Variants in KIF16B observed in about 807,000 individuals in gnomAD.
KIF16B encodes the protein kinesin family member 16B.
In KIF16B, 98 loss-of-function variants were observed where a neutral mutation model predicts 156.3. The observed-to-expected ratio is 0.63, with a 90% CI of 0.53 to 0.74. The LOEUF (loss-of-function observed/expected upper bound fraction) is 0.74. Among genes scored for constraint, KIF16B ranks in the 30% least tolerant of loss-of-function variants. The probability of loss-of-function intolerance (pLI) is 0.00; values close to 1 mark genes in which losing one functional copy is unlikely to be tolerated. For missense variants in KIF16B, 1,421 were observed against 1,606.5 expected (o/e 0.88, Z 1.97); for synonymous variants, 564 against 583.7 (o/e 0.97, Z 0.49).
rs555720841 is a variant in KIF16B at position 16,411,225 on chromosome 20, G to A, written c.1613-4769C>T. The stretch of plus-strand genomic sequence containing the variant: ...TGATCAGCTTCCCATTAAGTGGCAA[G>A]TATTCACTGTGACACTGATGGGATC... On this transcript the variant is annotated intron_variant, in intron 15 of 25. Transcript: ENST00000354981. 2.6e-5 allele frequency among the ~76,000 whole-genome samples: 4 copies of A among 152,216 alleles called. No homozygotes were observed. The South Asian group carries it at 8.3e-4, about 32-fold the overall frequency.
intron 6 of KIF16B, among the ~76,000 whole-genome samples, chr20:16,510,751 A>C (rs900360848): frequency 3.3e-5 from 5 of 152,174 alleles, no homozygotes; most frequent in Admixed American, 1.3e-4. Context: ...ACCTGTGACC[A>C]GTTCTGTCCT....
chr20:16,453,331 A>G (rs1179004517), intron 12 of KIF16B, among the ~76,000 whole-genome samples: 2 of 152,134 alleles, frequency 1.3e-5, no homozygotes, highest in Admixed American at 1.3e-4. Context: ...TAATTGTACT[A>G]GAGAAAAAAT....
intron 12 of KIF16B, among the ~76,000 whole-genome samples, chr20:16,461,230 A>C (rs2067337937): frequency 6.6e-6 from 1 of 152,038 alleles, no homozygotes; most frequent in South Asian, 2.1e-4. Flanking sequence ...TAAAATGAGT[A>C]GTAAGAAAGA....
At chr20:16,513,285 C>CA (rs2069019615) in intron 4 of KIF16B, among the ~76,000 whole-genome samples, 2 of 152,042 alleles carry the variant, frequency 1.3e-5, no homozygotes, top group African/African-American at 4.8e-5. Context: ...ACACACCAGG[C>CA]AAAAAAACAC....
chr20:16,474,044 A>G (rs2067738516), intron 12 of KIF16B, among the ~76,000 whole-genome samples: 1 of 152,082 alleles, frequency 6.6e-6, no homozygotes, highest in Non-Finnish European at 1.5e-5. Flanking sequence ...AGTGTTCCCA[A>G]AAGCTCCACC....
chr20:16,495,838 A>ACAC (rs1449741605), intron 11 of KIF16B, among the ~76,000 whole-genome samples: 1 of 152,000 alleles, frequency 6.6e-6, no homozygotes, highest in Admixed American at 6.6e-5. Context: ...CTACAGGTGC[A>ACAC]CACCACCACG....
intron 12 of KIF16B, among the ~76,000 whole-genome samples, chr20:16,438,606 TC>T (rs1221679453): frequency 5.3e-5 from 8 of 152,092 alleles, no homozygotes; most frequent in African/African-American, 1.9e-4. Context: ...ATCATGTCCA[TC>T]TAACAAAGGA....
intron 23 of KIF16B, among the ~76,000 whole-genome samples, chr20:16,340,031 A>G (rs1301515809): frequency 6.6e-6 from 1 of 152,178 alleles, no homozygotes; most frequent in Non-Finnish European, 1.5e-5. Context: ...CACTCAGGGT[A>G]TGAGTTCGAG....
chr20:16,297,419 A>G (rs6111029), intron 25 of KIF16B, among the ~76,000 whole-genome samples: 37,661 of 152,206 alleles, frequency 0.25, 5,080 homozygotes, highest in Non-Finnish European at 0.31. Flanking sequence ...CAGGCCAGGC[A>G]TGGTGGCTCA....
At chr20:16,299,496 G>A (rs1040868394) in intron 25 of KIF16B, among the ~76,000 whole-genome samples, 3 of 152,140 alleles carry the variant, frequency 2.0e-5, no homozygotes, top group Non-Finnish European at 4.4e-5. Context: ...AACAGAGTTG[G>A]ATTATTTGAT....
At chr20:16,315,320 C>T (rs1215922744) in intron 24 of KIF16B, among the ~76,000 whole-genome samples, 1 of 152,124 alleles carries the variant, frequency 6.6e-6, no homozygotes, top group East Asian at 1.9e-4. Flanking sequence ...CCTATAATCA[C>T]AGGACCATGA....
intron 15 of KIF16B, among the ~76,000 whole-genome samples, chr20:16,410,358 G>A (rs546498941): frequency 6.7e-6 from 1 of 149,724 alleles, no homozygotes; most frequent in African/African-American, 2.5e-5. Flanking sequence ...TATATATAGA[G>A]AGAGAGACAT....
intron 1 of KIF16B, among the ~76,000 whole-genome samples, chr20:16,548,078 T>C (rs2070483072): frequency 6.6e-6 from 1 of 152,142 alleles, no homozygotes; most frequent in Non-Finnish European, 1.5e-5. Context: ...GCTTATCCCA[T>C]AATGAGATGT....
chr20:16,572,960 T>G (rs1338712619), intron 1 of KIF16B, among the ~76,000 whole-genome samples: 1 of 152,140 alleles, frequency 6.6e-6, no homozygotes, highest in African/African-American at 2.4e-5. Context: ...GATGCTTTTT[T>G]AAAGGGGGAA....
intron 1 of KIF16B, among the ~76,000 whole-genome samples, chr20:16,551,829 A>G (rs911659892): frequency 2.0e-4 from 30 of 152,130 alleles, no homozygotes; most frequent in Non-Finnish European, 1.0e-4. Flanking sequence ...TGTGCCCAAG[A>G]AAGCAGGCCC....
At chr20:16,478,884 A>G (rs934924851) in intron 12 of KIF16B, among the ~76,000 whole-genome samples, 11 of 152,184 alleles carry the variant, frequency 7.2e-5, no homozygotes, top group African/African-American at 2.7e-4. Context: ...GGGTCTTGAA[A>G]TGTATCCCCT....
At position 16,406,352 on chromosome 20, in the gene KIF16B, C is replaced by A. The variant is rs954458004; in HGVS notation, c.1695+22G>T. 14 of 1,608,390 alleles carry A rather than the reference C, an allele frequency of 8.7e-6. No homozygotes were observed. In the African/African-American group the frequency reaches 1.9e-4, roughly 22 times the overall value. Reference sequence around the variant, plus strand: ...CTCACATACGATCAGTGGTTCCCTCCTAGAGACGCCGTGTCCCTCACCTTC... The same window carrying A: ...CTCACATACGATCAGTGGTTCCCTCATAGAGACGCCGTGTCCCTCACCTTC... On this transcript the variant is annotated intron_variant, in intron 16 of 25. Coordinates refer to ENST00000354981, the MANE Select transcript of KIF16B (RefSeq NM_024704.5).
chr20:16,294,424 G>T (rs2063354238), intron 25 of KIF16B, among the ~76,000 whole-genome samples: 2 of 152,212 alleles, frequency 1.3e-5, no homozygotes, highest in Admixed American at 1.3e-4. Context: ...AGCCAACAAA[G>T]GGGTGTTGCT....
intron 17 of KIF16B, among the ~76,000 whole-genome samples, chr20:16,382,461 C>A (rs1281908657): frequency 6.6e-6 from 1 of 152,048 alleles, no homozygotes; most frequent in Non-Finnish European, 1.5e-5. Flanking sequence ...AGTTATACTG[C>A]ATGTAGGTTC....
Sources: allele counts gnomAD v4.1 joint callset (sites outside exome capture counted in the v4.1 genomes callset), GRCh38; gene constraint gnomAD v4.1.1; transcripts MANE v1.5; gene names NCBI Gene and HGNC (gene_info 2026-07-23, HGNC 2026-07-21).